Variants in GRK5 observed in about 807,000 individuals in gnomAD.
GRK5 encodes G protein-coupled receptor kinase 5.
In GRK5, 40 loss-of-function variants were observed where a neutral mutation model predicts 78.4. The observed-to-expected ratio is 0.51, with a 90% confidence interval of 0.40 to 0.66. The LOEUF is 0.66. GRK5 is among the 30% of genes least tolerant of loss of function. The probability of loss-of-function intolerance (pLI) is 0.00; values close to 1 mark genes in which losing one functional copy is unlikely to be tolerated. For missense variants in GRK5, 598 were observed against 759.9 expected (o/e 0.79, Z 2.50); for synonymous variants, 289 against 296.8 (o/e 0.97, Z 0.27).
intron 4 of GRK5, among the ~76,000 whole-genome samples, chr10:119,410,970 T>C (rs142603861): frequency 0.01 from 1,545 of 151,298 alleles, 32 homozygotes; most frequent in African/African-American, 0.036. Flanking sequence ...ACTCCTGCCA[T>C]TGGCCAACAG....
At chr10:119,331,965 A>G (rs1225528970) in intron 2 of GRK5, among the ~76,000 whole-genome samples, 4 of 152,196 alleles carry the variant, frequency 2.6e-5, no homozygotes, top group Non-Finnish European at 4.4e-5. Context: ...ATAAAATAGA[A>G]TACATAGGGT....
chr10:119,367,613 C>A (rs1235459275), intron 2 of GRK5, among the ~76,000 whole-genome samples: 1 of 152,254 alleles, frequency 6.6e-6, no homozygotes, highest in Non-Finnish European at 1.5e-5. Context: ...TTGTCCTCTA[C>A]ATCCCAAGAA....
In GRK5 at chr10:119,442,052, C is replaced by G; in HGVS notation, c.1021C>G (p.Leu341Val). The stretch of plus-strand genomic sequence containing the variant: ...GGCTGTGAAGATCCCCGAGGGAGAC[C>G]TGATCCGCGGCCGGGTGGGCACTGT... ...GLAVKIPEGD[L>V]IRGRVGTVGY... Residue 341 changes from leucine (L) to valine (V), a missense_variant, in exon 11 of 16, where the codon CTG (leucine) becomes GTG (valine). Coordinates refer to ENST00000392870, the MANE Select transcript of GRK5 (RefSeq NM_005308.3). The G allele has an allele frequency of 1.9e-6, 3 of 1,614,040 alleles. No individual in the cohort carries two copies. The highest frequency in any genetic ancestry group is 2.5e-6 in the Non-Finnish European group (3 of 1,179,950).
chr10:119,308,285 C>T (rs1315435954), intron 1 of GRK5, among the ~76,000 whole-genome samples: 1 of 152,150 alleles, frequency 6.6e-6, no homozygotes, highest in Non-Finnish European at 1.5e-5. Context: ...ACGCCTCACC[C>T]TGCCCCGGCC....
At chr10:119,316,095 G>C (rs1054256755) in intron 1 of GRK5, among the ~76,000 whole-genome samples, 3 of 152,170 alleles carry the variant, frequency 2.0e-5, no homozygotes, top group African/African-American at 7.2e-5. Context: ...AAATGGGGGT[G>C]ATAGTTTCTG....
chr10:119,258,743 TCCC>T (rs1273145558), intron 1 of GRK5, among the ~76,000 whole-genome samples: 1 of 151,608 alleles, frequency 6.6e-6, no homozygotes, highest in Non-Finnish European at 1.5e-5. Context: ...GCCAGGAAAC[TCCC>T]CCCACCTCCA....
intron 1 of GRK5, among the ~76,000 whole-genome samples, chr10:119,301,720 C>A (rs981050948): frequency 2.6e-5 from 4 of 152,178 alleles, no homozygotes; most frequent in Non-Finnish European, 5.9e-5. Flanking sequence ...CCAGTCAAAC[C>A]GTGGGTTTTC....
chr10:119,324,843 G>T (rs1302469865), intron 1 of GRK5, among the ~76,000 whole-genome samples: 2 of 152,320 alleles, frequency 1.3e-5, no homozygotes, highest in South Asian at 4.1e-4. Flanking sequence ...GTCATTCTGA[G>T]GATTAAACAA....
chr10:119,332,151 G>A, intron 2 of GRK5, among the ~76,000 whole-genome samples: 1 of 149,064 alleles, frequency 6.7e-6, no homozygotes, highest in Non-Finnish European at 1.5e-5. Context: ...CTGTCGCTCA[G>A]GCTAGAGTGC....
chr10:119,425,526 A>C (rs1852661775), intron 6 of GRK5, among the ~76,000 whole-genome samples: 1 of 152,232 alleles, frequency 6.6e-6, no homozygotes, highest in East Asian at 1.9e-4. Flanking sequence ...CTGCAAGTAC[A>C]TCCAGAGAAA....
chr10:119,359,370 G>T (rs944062593), intron 2 of GRK5, among the ~76,000 whole-genome samples: 9 of 152,210 alleles, frequency 5.9e-5, no homozygotes, highest in African/African-American at 1.9e-4. Flanking sequence ...TCTCTCCATG[G>T]TTATGGCAAG....
intron 1 of GRK5, among the ~76,000 whole-genome samples, chr10:119,288,581 G>C (rs1330328199): frequency 6.6e-6 from 1 of 152,212 alleles, no homozygotes. Flanking sequence ...CCACATCTCT[G>C]CTGTACCTCA....
chr10:119,260,722 G>C (rs1322185765), intron 1 of GRK5, among the ~76,000 whole-genome samples: 3 of 151,110 alleles, frequency 2.0e-5, no homozygotes, highest in Admixed American at 6.6e-5. Context: ...AGGGTTGGGG[G>C]TAAGGTCACA....
At chr10:119,242,481 C>T (rs1345659583) in intron 1 of GRK5, among the ~76,000 whole-genome samples, 1 of 150,652 alleles carries the variant, frequency 6.6e-6, no homozygotes, top group African/African-American at 2.4e-5. Flanking sequence ...GACTGGCTGA[C>T]AGTGCTCTCC....
At chr10:119,315,200 C>T (rs567305711) in intron 1 of GRK5, among the ~76,000 whole-genome samples, 18 of 152,322 alleles carry the variant, frequency 1.2e-4, no homozygotes, top group Admixed American at 1.0e-3. Context: ...ACAGTGGTTG[C>T]CAAGTGCATC....
intron 1 of GRK5, among the ~76,000 whole-genome samples, chr10:119,269,844 A>AAAG (rs1849558006): frequency 6.6e-6 from 1 of 150,812 alleles, no homozygotes; most frequent in African/African-American, 2.4e-5. Flanking sequence ...AAAAAAAAAA[A>AAAG]AAAAAAAAAA....
At chr10:119,347,610 C>A (rs755672743) in intron 2 of GRK5, among the ~76,000 whole-genome samples, 47 of 152,356 alleles carry the variant, frequency 3.1e-4, no homozygotes, top group Non-Finnish European at 6.3e-4. Flanking sequence ...AAGGCCGGGA[C>A]GGCAATGGGG....
intron 2 of GRK5, among the ~76,000 whole-genome samples, chr10:119,372,023 C>G (rs916177877): frequency 1.3e-5 from 2 of 152,234 alleles, no homozygotes; most frequent in Non-Finnish European, 2.9e-5. Flanking sequence ...AGGGAGCTGT[C>G]CTGTGCATTG....
intron 2 of GRK5, among the ~76,000 whole-genome samples, chr10:119,335,704 G>T (rs905247198): frequency 3.3e-5 from 5 of 152,228 alleles, no homozygotes; most frequent in African/African-American, 1.2e-4. Context: ...ACAGATACTT[G>T]TTAAGCTCCT....
Sources: allele counts gnomAD v4.1 joint callset (sites outside exome capture counted in the v4.1 genomes callset), GRCh38; gene constraint gnomAD v4.1.1; transcripts MANE v1.5; gene names NCBI Gene and HGNC (gene_info 2026-07-23, HGNC 2026-07-21).